MDGA2: variants seen among roughly 807,000 people sequenced by gnomAD.
MDGA2 encodes the protein MAM domain containing glycosylphosphatidylinositol anchor 2.
A neutral mutation model predicts 117.8 loss-of-function variants in MDGA2; 40 were observed. That is an observed-to-expected ratio of 0.34 (90% CI 0.26 to 0.44). The LOEUF (loss-of-function observed/expected upper bound fraction) is 0.44, where lower values mean the gene tolerates loss of function less well. Among genes scored for constraint, MDGA2 ranks in the 20% least tolerant of loss-of-function variants. The pLI is 1.00. For synonymous variants in MDGA2, 452 were observed against 439.0 expected (o/e 1.03, Z -0.37); for missense variants, 1,123 against 1,250.6 (o/e 0.90, Z 1.54).
At chr14:47,143,094 G>A (rs781682028) in intron 4 of MDGA2, among the ~76,000 whole-genome samples, 3 of 151,972 alleles carry the variant, frequency 2.0e-5, no homozygotes, top group Non-Finnish European at 4.4e-5. Flanking sequence ...ATTCAATGGT[G>A]AAAAATGGGA....
intron 8 of MDGA2, among the ~76,000 whole-genome samples, chr14:46,959,404 T>C (rs983425410): frequency 1.3e-5 from 2 of 151,940 alleles, no homozygotes; most frequent in Non-Finnish European, 2.9e-5. Context: ...TTTAATCTTA[T>C]ACTTTTAATA....
intron 1 of MDGA2, among the ~76,000 whole-genome samples, chr14:47,496,184 T>C (rs1894277667): frequency 6.6e-6 from 1 of 152,190 alleles, no homozygotes; most frequent in African/African-American, 2.4e-5. Context: ...TGATAAATTT[T>C]CCACAAGCAG....
At chr14:47,016,110 T>C (rs957570603) in intron 8 of MDGA2, among the ~76,000 whole-genome samples, 6 of 152,124 alleles carry the variant, frequency 3.9e-5, no homozygotes, top group African/African-American at 1.4e-4. Context: ...TGTATTTTTT[T>C]ACAAGTATCT....
chr14:47,109,608 A>ACCAAAACTCCATCTAAGCT, intron 5 of MDGA2, among the ~76,000 whole-genome samples: 1 of 152,290 alleles, frequency 6.6e-6, no homozygotes, highest in East Asian at 1.9e-4. Flanking sequence ...AAATTATTAA[A>ACCAAAACTCCATCTAAGCT]CCAAAACTCC....
At chr14:47,314,293 A>G (rs552648204) in intron 1 of MDGA2, among the ~76,000 whole-genome samples, 1 of 152,284 alleles carries the variant, frequency 6.6e-6, no homozygotes, top group South Asian at 2.1e-4. Context: ...TACACCATTA[A>G]TATTTTCTAG....
At chr14:46,871,826 A>G (rs535392537) in intron 14 of MDGA2, 80 of 311,666 alleles carry the variant, frequency 2.6e-4, no homozygotes, top group South Asian at 2.2e-3. Flanking sequence ...AGGTCTCCTG[A>G]CTTCAAGTTT....
intron 3 of MDGA2, among the ~76,000 whole-genome samples, chr14:47,191,325 TTTTC>T (rs148087822): frequency 0.01 from 1,532 of 151,268 alleles, 17 homozygotes; most frequent in Non-Finnish European, 0.015. Flanking sequence ...AACCAGTATC[TTTTC>T]TTTCATTTTA....
At chr14:47,365,104 A>G (rs1891204265) in intron 1 of MDGA2, among the ~76,000 whole-genome samples, 1 of 152,238 alleles carries the variant, frequency 6.6e-6, no homozygotes, top group Non-Finnish European at 1.5e-5. Context: ...GGATTGGGGA[A>G]CTAAACAGTT....
intron 1 of MDGA2, among the ~76,000 whole-genome samples, chr14:47,458,997 G>A (rs1423887511): frequency 2.0e-5 from 3 of 150,552 alleles, no homozygotes; most frequent in Non-Finnish European, 3.0e-5. Context: ...CTTTAACTAG[G>A]GAGAGAAGTA....
chr14:46,865,352 A>T, intron 14 of MDGA2, among the ~76,000 whole-genome samples: 1 of 152,028 alleles, frequency 6.6e-6, no homozygotes, highest in Non-Finnish European at 1.5e-5. Context: ...GCTTCATGCT[A>T]AAAACTCTCA....
intron 1 of MDGA2, among the ~76,000 whole-genome samples, chr14:47,404,583 C>G (rs1047736515): frequency 6.6e-6 from 1 of 152,190 alleles, no homozygotes; most frequent in Non-Finnish European, 1.5e-5. Context: ...GAACCTCAAA[C>G]TCCTGGGCTC....
chr14:47,143,309 A>G (rs76334305), intron 4 of MDGA2, among the ~76,000 whole-genome samples: 4,244 of 152,274 alleles, frequency 0.028, 175 homozygotes, highest in African/African-American at 0.097. Context: ...ATTTTTCATT[A>G]TCACAATACT....
At chr14:47,091,761 T>C (rs1205376225) in intron 6 of MDGA2, among the ~76,000 whole-genome samples, 2 of 152,084 alleles carry the variant, frequency 1.3e-5, no homozygotes, top group Non-Finnish European at 2.9e-5. Flanking sequence ...AACTAATGTA[T>C]ATCTGCCCAT....
intron 1 of MDGA2, among the ~76,000 whole-genome samples, chr14:47,364,586 G>C (rs190022166): frequency 2.0e-5 from 3 of 152,148 alleles, no homozygotes; most frequent in Non-Finnish European, 1.5e-5. Flanking sequence ...AAATGATAGA[G>C]CACAGCTCTC....
At chr14:47,104,977 T>A (rs1296179308) in intron 5 of MDGA2, among the ~76,000 whole-genome samples, 1 of 152,136 alleles carries the variant, frequency 6.6e-6, no homozygotes, top group Non-Finnish European at 1.5e-5. Flanking sequence ...AGAGACATGT[T>A]TTATCTGTGA....
At chr14:47,261,948 C>G (rs908307989) in intron 2 of MDGA2, among the ~76,000 whole-genome samples, 20 of 152,094 alleles carry the variant, frequency 1.3e-4, no homozygotes, top group Non-Finnish European at 2.9e-5. Flanking sequence ...GAAAGCAACA[C>G]TCATTAAGTC....
intron 3 of MDGA2, among the ~76,000 whole-genome samples, chr14:47,165,401 G>A (rs879350146): frequency 6.6e-6 from 1 of 152,162 alleles, no homozygotes; most frequent in Non-Finnish European, 1.5e-5. Flanking sequence ...AAAGTTTGAG[G>A]GGGAAAGAGT....
chr14:46,854,892 C>A, intron 15 of MDGA2, 132 bp downstream of exon 15: 1 of 764,776 alleles, frequency 1.3e-6, no homozygotes, highest in Non-Finnish European at 1.9e-6. Context: ...TAAAGCAAAA[C>A]CTAATCATAT....
intron 1 of MDGA2, among the ~76,000 whole-genome samples, chr14:47,531,447 A>T (rs536637758): frequency 6.6e-6 from 1 of 152,198 alleles, no homozygotes; most frequent in Non-Finnish European, 1.5e-5. Context: ...CTCATATTAA[A>T]AGGGAAAAGA....
Sources: allele counts gnomAD v4.1 joint callset (sites outside exome capture counted in the v4.1 genomes callset), GRCh38; gene constraint gnomAD v4.1.1; transcripts MANE v1.5; gene names NCBI Gene and HGNC (gene_info 2026-07-23, HGNC 2026-07-21).